ANKRD28: variants seen among roughly 807,000 people sequenced by gnomAD.
ANKRD28 encodes the protein serine/threonine-protein phosphatase 6 regulatory ankyrin repeat subunit A.
Under a neutral mutation model 126.5 loss-of-function variants are expected in ANKRD28, and 44 were observed. The ratio of observed to expected loss-of-function variants is 0.35; its 90% confidence interval spans 0.27 to 0.45. The LOEUF is 0.45. ANKRD28 is among the 20% of genes least tolerant of loss of function. ANKRD28 has a pLI of 1.00. For synonymous variants in ANKRD28, 442 were observed against 468.5 expected (o/e 0.94, Z 0.73); for missense variants, 1,110 against 1,316.6 (o/e 0.84, Z 2.43).
chr3:15,808,029 C>G (rs1405684010), intron 1 of ANKRD28, among the ~76,000 whole-genome samples: 3 of 152,120 alleles, frequency 2.0e-5, no homozygotes, highest in Non-Finnish European at 4.4e-5. Flanking sequence ...GTTTTTAAAT[C>G]CCAATTTCAC....
chr3:15,687,146 T>C (rs2068223668), intron 18 of ANKRD28, among the ~76,000 whole-genome samples: 1 of 151,652 alleles, frequency 6.6e-6, no homozygotes, highest in African/African-American at 2.4e-5. Context: ...GGTTTCACCA[T>C]CTAGGCATGG....
chr3:15,745,303 A>C (rs1211845967), intron 4 of ANKRD28, among the ~76,000 whole-genome samples: 1 of 152,076 alleles, frequency 6.6e-6, no homozygotes, highest in Non-Finnish European at 1.5e-5. Flanking sequence ...CAATGTCTAG[A>C]AGGGTTTTTT....
chr3:15,843,398 C>G lies in ANKRD28; in HGVS notation c.27+15979G>C, dbSNP rs1317343715. Among the ~76,000 whole-genome samples, 1 of 152,160 alleles carries G rather than the reference C, an allele frequency of 6.6e-6. No homozygotes were observed. Among genetic ancestry groups the G allele is most frequent in the African/African-American group, 2.4e-5 (1 of 41,444 alleles). ...GTGGGCAAGAACACACATCCAAACT[C>G]TATCACCTGGTTTTGCCCCATCTGA... On this transcript the variant is annotated intron_variant, in intron 1 of 27. Transcript: ENST00000399451. This position sits in a 1 kb window ranked among gnomAD's most constrained non-coding sequence, Gnocchi z 5.2.
chr3:15,852,482 T>C (rs745378564), intron 1 of ANKRD28, among the ~76,000 whole-genome samples: 7 of 152,210 alleles, frequency 4.6e-5, no homozygotes, highest in Admixed American at 1.3e-4. Context: ...GAATAGAAAA[T>C]ACATATCTTT....
chr3:15,761,514 T>C (rs987379455), intron 3 of ANKRD28, among the ~76,000 whole-genome samples: 7 of 152,186 alleles, frequency 4.6e-5, no homozygotes, highest in African/African-American at 7.2e-5. Context: ...TCAGTTTAAC[T>C]TGGGCCTCAG....
intron 1 of ANKRD28, among the ~76,000 whole-genome samples, chr3:15,849,034 A>G (rs887843232): frequency 6.6e-6 from 1 of 152,220 alleles, no homozygotes. Flanking sequence ...GTATTTCTAT[A>G]TATTACCAAT....
intron 17 of ANKRD28, among the ~76,000 whole-genome samples, chr3:15,691,901 G>A (rs2068850353): frequency 6.6e-6 from 1 of 152,100 alleles, no homozygotes; most frequent in African/African-American, 2.4e-5. Context: ...AGGCTGAGGT[G>A]GAAGGATCAT....
At chr3:15,723,219 C>A (rs2073907711) in intron 7 of ANKRD28, among the ~76,000 whole-genome samples, 1 of 152,218 alleles carries the variant, frequency 6.6e-6, no homozygotes, top group African/African-American at 2.4e-5. Flanking sequence ...GTGATCCTCA[C>A]ACTTTCAGTA....
At chr3:15,688,437 T>C (rs528508755) in intron 18 of ANKRD28, among the ~76,000 whole-genome samples, 1 of 152,326 alleles carries the variant, frequency 6.6e-6, no homozygotes, top group South Asian at 2.1e-4. Flanking sequence ...CAAAGTGATA[T>C]ATAACTTCAC....
intron 1 of ANKRD28, among the ~76,000 whole-genome samples, chr3:15,808,370 A>G (rs1317541301): frequency 6.6e-6 from 1 of 152,192 alleles, no homozygotes; most frequent in Non-Finnish European, 1.5e-5. Flanking sequence ...GCTTTAAGGT[A>G]AGTTGGAGAA....
At chr3:15,844,823 G>GT (rs1189981538) in intron 1 of ANKRD28, among the ~76,000 whole-genome samples, 1 of 152,188 alleles carries the variant, frequency 6.6e-6, no homozygotes, top group Non-Finnish European at 1.5e-5. Context: ...GACTCTATTT[G>GT]TATTAGTCGG....
Position 15,751,751 on chromosome 3 carries a change from T to C in ANKRD28, c.350A>G (p.Glu117Gly). Residue 117 changes from glutamate (E) to glycine (G), a missense_variant and splice_region_variant, in exon 4 of 28, where the codon GAG (glutamate) becomes GGG (glycine). Physicochemically the swap from Glu to Gly is moderately conservative, Grantham distance 98 (BLOSUM62 -2). Coordinates refer to ENST00000683139, the MANE Select transcript of ANKRD28 (RefSeq NM_001349278.2). ...PLHRAVASCS[E>G]EAVQVLLKHS... ...TATTTACTAAGAGAAATTTCATACC[T>C]CACTACAAGATGCAACTGCTCTGTG... 1 of 1,572,360 alleles carries C rather than the reference T, an allele frequency of 6.4e-7. No individual in the cohort carries two copies. Among genetic ancestry groups the C allele is most frequent in the Non-Finnish European group, 8.6e-7 (1 of 1,156,970 alleles).
At chr3:15,806,363 ATTTT>A (rs968130351) in intron 1 of ANKRD28, among the ~76,000 whole-genome samples, 1 of 152,136 alleles carries the variant, frequency 6.6e-6, no homozygotes, top group Non-Finnish European at 1.5e-5. Context: ...TATTGTAGAA[ATTTT>A]TTGTGTGTCT....
rs1039384315 is a variant in ANKRD28, at chr3:15,817,302, G to C, written c.28-21996C>G. ...TGTTATTTTGTTTTTGTCCCAACTA[G>C]ATAGAAAATTTTATAGGTTATAAAC... On this transcript the variant is annotated intron_variant, in intron 1 of 27. Transcript: ENST00000399451. This position sits in a 1 kb window ranked among gnomAD's most constrained non-coding sequence, Gnocchi z 4.5. Among the ~76,000 whole-genome samples the C allele has an allele frequency of 1.3e-5, 2 of 151,672 alleles. No individual in the cohort carries two copies. Among genetic ancestry groups the C allele is most frequent in the African/African-American group, 2.4e-5 (1 of 41,258 alleles).
chr3:15,695,920 G>C (rs1371979291), intron 15 of ANKRD28, among the ~76,000 whole-genome samples: 3 of 152,014 alleles, frequency 2.0e-5, no homozygotes, highest in African/African-American at 7.2e-5. Flanking sequence ...GTAATCAGTA[G>C]CCCTCTTCAG....
At chr3:15,698,588 C>T (rs2125919419) in intron 14 of ANKRD28, among the ~76,000 whole-genome samples, 1 of 152,280 alleles carries the variant, frequency 6.6e-6, no homozygotes, top group East Asian at 1.9e-4. Flanking sequence ...GATTCCCATA[C>T]ACCAATAACA....
At chr3:15,723,437 T>C (rs2073929239) in intron 7 of ANKRD28, among the ~76,000 whole-genome samples, 2 of 152,256 alleles carry the variant, frequency 1.3e-5, no homozygotes, top group African/African-American at 4.8e-5. Context: ...CAATGAGTTC[T>C]TCAAAATGTG....
intron 4 of ANKRD28, among the ~76,000 whole-genome samples, chr3:15,748,886 TA>T (rs1171003662): frequency 2.0e-5 from 3 of 151,654 alleles, no homozygotes; most frequent in Admixed American, 6.6e-5. Flanking sequence ...TTCGTTCATT[TA>T]AAAAAAAATT....
chr3:15,678,134 G>C, intron 24 of ANKRD28, 75 bp downstream of exon 24: 2 of 1,395,778 alleles, frequency 1.4e-6, no homozygotes, highest in Non-Finnish European at 1.9e-6. Flanking sequence ...GTTGAAGTCA[G>C]AAGTCTTGGG....
Sources: gnomAD v4.1 joint callset for allele counts (sites outside exome capture counted in the v4.1 genomes callset) on GRCh38, gnomAD v4.1.1 for gene constraint, Gnocchi (gnomAD v3.1) non-coding constraint, MANE v1.5 for transcripts, NCBI Gene and HGNC (gene_info 2026-07-23, HGNC 2026-07-21) for gene names.